PDZRN4: variants seen among roughly 807,000 people sequenced by gnomAD.
PDZRN4 encodes the protein PDZ domain containing ring finger 4, also known as PDZ domain-containing RING finger protein 4.
Under a neutral mutation model 99.0 loss-of-function variants are expected in PDZRN4, and 70 were observed. That is an observed-to-expected ratio of 0.71 (90% confidence interval 0.58 to 0.86). The LOEUF (loss-of-function observed/expected upper bound fraction) is 0.86. PDZRN4 is among the 40% of genes least tolerant of loss of function. The pLI is 0.00. For missense variants in PDZRN4, 1,474 were observed against 1,331.2 expected (o/e 1.11, Z -1.67); for synonymous variants, 551 against 501.6 (o/e 1.10, Z -1.32).
intron 3 of PDZRN4, among the ~76,000 whole-genome samples, chr12:41,284,202 T>C (rs1021598465): frequency 3.9e-5 from 6 of 152,064 alleles, no homozygotes; most frequent in African/African-American, 1.4e-4. Context: ...TTACTAGCAT[T>C]CCTATACACC....
At chr12:41,418,598 G>A (rs1952463745) in intron 3 of PDZRN4, among the ~76,000 whole-genome samples, 1 of 152,142 alleles carries the variant, frequency 6.6e-6, no homozygotes, top group Non-Finnish European at 1.5e-5. Context: ...TATTTTAAAT[G>A]GTTAAATGGG....
At chr12:41,547,486 G>T (rs10459286) in intron 5 of PDZRN4, among the ~76,000 whole-genome samples, 1 of 151,786 alleles carries the variant, frequency 6.6e-6, no homozygotes, top group South Asian at 2.1e-4. Context: ...ATTAGCCAGG[G>T]GTGGTGGCAG....
intron 3 of PDZRN4, among the ~76,000 whole-genome samples, chr12:41,406,995 G>A (rs1952355323): frequency 6.6e-6 from 1 of 152,008 alleles, no homozygotes; most frequent in Non-Finnish European, 1.5e-5. Flanking sequence ...GACAAGAAAT[G>A]CTACAACCTT....
At chr12:41,497,996 A>G (rs1014834811) in intron 3 of PDZRN4, among the ~76,000 whole-genome samples, 15 of 152,046 alleles carry the variant, frequency 9.9e-5, no homozygotes, top group African/African-American at 3.6e-4. Flanking sequence ...TTTCAGTTTC[A>G]GACATCAAAA....
chr12:41,223,793 G>T (rs1205608143), intron 3 of PDZRN4, among the ~76,000 whole-genome samples: 1 of 152,164 alleles, frequency 6.6e-6, no homozygotes, highest in Non-Finnish European at 1.5e-5. Flanking sequence ...GGCCAGGTGG[G>T]TGCAGCACAG....
chr12:41,294,234 C>T (rs1335336751), intron 3 of PDZRN4, among the ~76,000 whole-genome samples: 4 of 152,148 alleles, frequency 2.6e-5, no homozygotes, highest in Non-Finnish European at 5.9e-5. Context: ...GACCTGGGTG[C>T]AAGTCCTGCC....
At chr12:41,241,207 G>A (rs1951099864) in intron 3 of PDZRN4, among the ~76,000 whole-genome samples, 1 of 152,096 alleles carries the variant, frequency 6.6e-6, no homozygotes. Flanking sequence ...ATTCTCCAGT[G>A]AACATTTCCT....
intron 3 of PDZRN4, among the ~76,000 whole-genome samples, chr12:41,416,341 C>T (rs1952445359): frequency 6.6e-6 from 1 of 152,060 alleles, no homozygotes; most frequent in Non-Finnish European, 1.5e-5. Flanking sequence ...GACTTTCTTT[C>T]TGATTAAAAA....
chr12:41,298,383 T>A (rs1228131987), intron 3 of PDZRN4, among the ~76,000 whole-genome samples: 3 of 152,226 alleles, frequency 2.0e-5, no homozygotes, highest in Admixed American at 6.5e-5. Flanking sequence ...TGAATAATCC[T>A]GCATTAATAA....
chr12:41,448,931 C>T (rs969604122), intron 3 of PDZRN4, among the ~76,000 whole-genome samples: 2 of 152,064 alleles, frequency 1.3e-5, no homozygotes, highest in African/African-American at 2.4e-5. Context: ...AAAAACAAAA[C>T]ATTTATTGGC....
chr12:41,555,193 T>G, intron 6 of PDZRN4, among the ~76,000 whole-genome samples: 1 of 130,390 alleles, frequency 7.7e-6, no homozygotes, highest in Non-Finnish European at 1.5e-5. Context: ...ATGGCGCCAC[T>G]GCACTCCAGC....
At chr12:41,343,133 G>T (rs1951829119) in intron 3 of PDZRN4, among the ~76,000 whole-genome samples, 1 of 151,810 alleles carries the variant, frequency 6.6e-6, no homozygotes, top group Non-Finnish European at 1.5e-5. Flanking sequence ...CAGAAAGACA[G>T]ATACTATTCA....
At chr12:41,238,298 C>T (rs982745404) in intron 3 of PDZRN4, among the ~76,000 whole-genome samples, 4 of 152,042 alleles carry the variant, frequency 2.6e-5, no homozygotes, top group Non-Finnish European at 5.9e-5. Context: ...TATAGGAATG[C>T]TAGTAATGTT....
At position 41,506,833 on chromosome 12, in the gene PDZRN4, G is replaced by T. The variant is rs11608527; in HGVS notation, c.1100+121G>T. Reference sequence around the variant, plus strand: ...TTATGGAGACAGGCTTCCCAGCTCCGTTTGGAAAATGTCTCCCCTGTTTTG... The same window carrying T: ...TTATGGAGACAGGCTTCCCAGCTCCTTTTGGAAAATGTCTCCCCTGTTTTG... On this transcript the variant is annotated intron_variant, in intron 4 of 9. Coordinates refer to ENST00000402685, the MANE Select transcript of PDZRN4 (RefSeq NM_001164595.2). The T allele has an allele frequency of 4.5e-6, 5 of 1,115,562 alleles. No homozygotes were observed. In the African/African-American group the frequency reaches 4.7e-5, roughly 10 times the overall value. 69.1% of individuals were successfully genotyped at this position (1,115,562 alleles called of 1,614,324 possible).
intron 3 of PDZRN4, among the ~76,000 whole-genome samples, chr12:41,274,911 T>A (rs1951340239): frequency 6.6e-6 from 1 of 152,094 alleles, no homozygotes; most frequent in Non-Finnish European, 1.5e-5. Context: ...ATTTGCAAAG[T>A]CTCCCAGTGA....
chr12:41,230,426 T>C (rs1852461), intron 3 of PDZRN4, among the ~76,000 whole-genome samples: 101,549 of 151,878 alleles, frequency 0.67, 34,077 homozygotes, highest in South Asian at 0.73. Flanking sequence ...AACTGCGTCT[T>C]CTGTTAAAAT....
chr12:41,408,262 T>C (rs903238058), intron 3 of PDZRN4, among the ~76,000 whole-genome samples: 3 of 152,258 alleles, frequency 2.0e-5, no homozygotes, highest in Non-Finnish European at 4.4e-5. Flanking sequence ...TAGAAGATAC[T>C]GATTCATGCA....
chr12:41,197,920 G>GTT (rs533696414), intron 3 of PDZRN4, among the ~76,000 whole-genome samples: 5 of 115,600 alleles, frequency 4.3e-5, no homozygotes, highest in South Asian at 3.0e-4. Context: ...TTTTTTCTGG[G>GTT]TTTTTTTTTT....
intron 3 of PDZRN4, among the ~76,000 whole-genome samples, chr12:41,256,988 T>A (rs985615264): frequency 2.0e-5 from 3 of 152,188 alleles, no homozygotes; most frequent in Non-Finnish European, 2.9e-5. Context: ...TTGAACCTAC[T>A]CACTTTCCTC....
Sources: gnomAD v4.1 joint callset for allele counts (sites outside exome capture counted in the v4.1 genomes callset) on GRCh38, gnomAD v4.1.1 for gene constraint, MANE v1.5 for transcripts, NCBI Gene and HGNC (gene_info 2026-07-23, HGNC 2026-07-21) for gene names.